Variants in ANXA8 observed in about 807,000 individuals in gnomAD.
ANXA8 encodes annexin A8.
ANXA8 carries 9 observed loss-of-function variants against 26.8 expected under a neutral mutation model. That is an observed-to-expected ratio of 0.34 (90% CI 0.20 to 0.59). ANXA8 has a LOEUF of 0.59. Among genes scored for constraint, ANXA8 ranks in the 20% least tolerant of loss-of-function variants. ANXA8 has a pLI of 0.84. For missense variants in ANXA8, 83 were observed against 238.5 expected (o/e 0.35, Z 4.29); for synonymous variants, 39 against 94.8 (o/e 0.41, Z 3.42).
the ANXA8 span, among the ~76,000 whole-genome samples, chr10:47,666,098 A>G: frequency 6.7e-6 from 1 of 150,128 alleles, no homozygotes; most frequent in African/African-American, 2.5e-5. Context: ...ATCTTTAGAA[A>G]TAACTTTCAC....
chr10:47,936,816 C>CT, the ANXA8 span, among the ~76,000 whole-genome samples: 4 of 152,026 alleles, frequency 2.6e-5, no homozygotes, highest in South Asian at 2.1e-4. Flanking sequence ...GTGCGCTGCC[C>CT]TGGAAGGGTC....
chr10:47,489,960 G>A, the ANXA8 span, among the ~76,000 whole-genome samples: 1 of 150,474 alleles, frequency 6.6e-6, no homozygotes, highest in African/African-American at 2.5e-5. Flanking sequence ...GCTGGGAGAC[G>A]AGCTCAATGA....
At chr10:47,536,908 T>C in the ANXA8 span, among the ~76,000 whole-genome samples, 1 of 96,814 alleles carries the variant, frequency 1.0e-5, no homozygotes, top group Non-Finnish European at 1.8e-5. Context: ...ACTTCTGTGG[T>C]GGAAGCACAG....
At chr10:47,672,016 A>G in the ANXA8 span, among the ~76,000 whole-genome samples, 6 of 151,594 alleles carry the variant, frequency 4.0e-5, no homozygotes, top group African/African-American at 1.5e-4. Context: ...CTTCTGCAAT[A>G]TCTAAATTTT....
the ANXA8 span, chr10:47,549,312 G>C: frequency 6.8e-7 from 1 of 1,478,120 alleles, no homozygotes; most frequent in Non-Finnish European, 9.3e-7. Context: ...TACCAGATCT[G>C]CTACTTTAGC....
At chr10:47,711,213 G>A in the ANXA8 span, among the ~76,000 whole-genome samples, 1 of 142,776 alleles carries the variant, frequency 7.0e-6, no homozygotes, top group South Asian at 2.2e-4. Flanking sequence ...AGAATGTTCA[G>A]TGTTAAAATA....
the ANXA8 span, among the ~76,000 whole-genome samples, chr10:47,743,319 T>TACAC: frequency 2.2e-5 from 1 of 45,872 alleles, no homozygotes; most frequent in African/African-American, 7.0e-5. Flanking sequence ...TATACACATA[T>TACAC]ATATATATAC....
the ANXA8 span, chr10:47,502,482 CT>C: frequency 1.2e-6 from 2 of 1,613,084 alleles, no homozygotes; most frequent in East Asian, 2.2e-5. Context: ...TTGTCTGCCC[CT>C]GGCTGCTCCC....
chr10:47,648,256 C>T, the ANXA8 span, among the ~76,000 whole-genome samples: 1 of 151,798 alleles, frequency 6.6e-6, no homozygotes, highest in Non-Finnish European at 1.5e-5. Context: ...GTAGCAGGAT[C>T]CCACTTGAAG....
chr10:47,587,215 A>T, the ANXA8 span, among the ~76,000 whole-genome samples: 85 of 146,654 alleles, frequency 5.8e-4, no homozygotes, highest in African/African-American at 2.0e-3. Context: ...AAAAAAAAAA[A>T]AATAAAAATT....
chr10:47,972,855 G>A, the ANXA8 span, among the ~76,000 whole-genome samples: 9 of 127,504 alleles, frequency 7.1e-5, no homozygotes, highest in Non-Finnish European at 1.4e-4. Flanking sequence ...CACTTCCATC[G>A]CCCAGTTTGG....
the ANXA8 span, among the ~76,000 whole-genome samples, chr10:47,684,884 C>A: frequency 3.3e-5 from 5 of 149,436 alleles, no homozygotes; most frequent in Admixed American, 6.6e-5. Flanking sequence ...CCGCGCCCAG[C>A]CTGCGATTGT....
At position 47,478,569 on chromosome 10, in the gene ANXA8, CT is replaced by C; in HGVS notation, c.170del (p.Gln57ArgfsTer19). The C allele has an allele frequency of 1.8e-6, 2 of 1,115,608 alleles. 1 individual carries two copies. The highest frequency in any genetic ancestry group is 2.5e-6 in the Non-Finnish European group (2 of 798,482). 69.1% of individuals were successfully genotyped at this position (1,115,608 alleles called of 1,614,324 possible). On this transcript the variant is annotated frameshift_variant, in exon 3 of 12. Coordinates refer to ENST00000585281, the MANE Select transcript of ANXA8 (RefSeq NM_001040084.3). LOFTEE classifies it high-confidence loss of function. Reference sequence around the variant, plus strand: ...GAGCCTTGAAGGACTTGGCGATCTGCTGCCGCTGCGTGTTGCTTCTCTTGGT... The same window carrying C: ...GAGCCTTGAAGGACTTGGCGATCTGCGCCGCTGCGTGTTGCTTCTCTTGGT... ...VLTKRSNTQR[Q>X]QIAKSFKAQF...
chr10:47,526,419 T>C, the ANXA8 span, among the ~76,000 whole-genome samples: 3 of 136,774 alleles, frequency 2.2e-5, 1 homozygote, highest in East Asian at 8.6e-4. Context: ...CAACATTTTT[T>C]TGATGTGGAT....
At chr10:47,514,075 C>G in the ANXA8 span, among the ~76,000 whole-genome samples, 5 of 141,920 alleles carry the variant, frequency 3.5e-5, no homozygotes, top group Non-Finnish European at 1.5e-5. Context: ...GAACAATCAA[C>G]AGAGTATACA....
At chr10:47,937,666 G>C in the ANXA8 span, among the ~76,000 whole-genome samples, 1 of 142,180 alleles carries the variant, frequency 7.0e-6, no homozygotes, top group Non-Finnish European at 1.6e-5. Context: ...CCCTCTTTCT[G>C]CCCATGGGCT....
chr10:47,945,529 C>T, the ANXA8 span, among the ~76,000 whole-genome samples: 12 of 149,694 alleles, frequency 8.0e-5, no homozygotes, highest in South Asian at 6.3e-4. Flanking sequence ...GATGGGCCTA[C>T]GTCAGCTCCA....
At chr10:47,665,983 A>G in the ANXA8 span, among the ~76,000 whole-genome samples, 2 of 151,828 alleles carry the variant, frequency 1.3e-5, 1 homozygote, top group African/African-American at 4.9e-5. Flanking sequence ...TTCACTCTTA[A>G]TTGCTAACTT....
At chr10:47,777,882 G>A in the ANXA8 span, among the ~76,000 whole-genome samples, 1 of 151,752 alleles carries the variant, frequency 6.6e-6, no homozygotes, top group Non-Finnish European at 1.5e-5. Flanking sequence ...AGCCTTCAGA[G>A]CAGCAGGGAC....
Sources: gnomAD v4.1 joint callset for allele counts (sites outside exome capture counted in the v4.1 genomes callset) on GRCh38, gnomAD v4.1.1 for gene constraint, MANE v1.5 for transcripts, NCBI Gene and HGNC (gene_info 2026-07-23, HGNC 2026-07-21) for gene names.